GRB10: variants seen among roughly 807,000 people sequenced by gnomAD.
GRB10 encodes the protein growth factor receptor bound protein 10.
GRB10 carries 20 observed loss-of-function variants against 80.9 expected under a neutral mutation model. The ratio of observed to expected loss-of-function variants is 0.25; its 90% CI spans 0.17 to 0.36. The LOEUF is 0.36. Among genes scored for constraint, GRB10 ranks in the 10% least tolerant of loss-of-function variants. The pLI is 1.00. For synonymous variants in GRB10, 291 were observed against 291.5 expected, an observed-to-expected ratio of 1.00 and a Z score of 0.02; for missense variants, 548 against 747.7, an observed-to-expected ratio of 0.73 and a Z score of 3.12.
At chr7:50,641,128 G>C (rs1236743886) in intron 7 of GRB10, among the ~76,000 whole-genome samples, 3 of 145,664 alleles carry the variant, frequency 2.1e-5, no homozygotes, top group Admixed American at 1.4e-4. Context: ...CTCCTGGACA[G>C]AGAGTCACAT....
intron 5 of GRB10, among the ~76,000 whole-genome samples, chr7:50,699,964 T>C (rs144634895): frequency 0.013 from 1,941 of 152,066 alleles, 45 homozygotes; most frequent in African/African-American, 0.044. Flanking sequence ...TGAAACCCTG[T>C]CTCTACTAAA....
chr7:50,676,338 G>C (rs868193204), intron 5 of GRB10, among the ~76,000 whole-genome samples: 11 of 55,924 alleles, frequency 2.0e-4, no homozygotes, highest in African/African-American at 4.5e-4. Flanking sequence ...ACCCCACCGG[G>C]GGGGGGGGGG....
At chr7:50,696,075 T>C (rs986048214) in intron 5 of GRB10, among the ~76,000 whole-genome samples, 1 of 152,186 alleles carries the variant, frequency 6.6e-6, no homozygotes, top group South Asian at 2.1e-4. Flanking sequence ...CTATCATCAG[T>C]GTATGTAATG....
chr7:50,758,470 C>G (rs1404512222), intron 2 of GRB10, among the ~76,000 whole-genome samples: 1 of 152,208 alleles, frequency 6.6e-6, no homozygotes, highest in Non-Finnish European at 1.5e-5. Context: ...CTCTTGATTT[C>G]TGTTTAGTAT....
At chr7:50,710,993 G>A (rs2065808998) in intron 4 of GRB10, 1 of 1,160,290 alleles carries the variant, frequency 8.6e-7, no homozygotes, top group Non-Finnish European at 1.3e-6. Flanking sequence ...TTCAGAACCT[G>A]GAGAACGGCA....
chr7:50,646,643 C>T (rs373150844), intron 7 of GRB10, among the ~76,000 whole-genome samples: 3 of 152,044 alleles, frequency 2.0e-5, no homozygotes, highest in African/African-American at 7.3e-5. Context: ...TGCTAGATTC[C>T]GCAAATTGTC....
chr7:50,767,378 G>C (rs2076461997), intron 2 of GRB10, among the ~76,000 whole-genome samples: 1 of 152,190 alleles, frequency 6.6e-6, no homozygotes, highest in Admixed American at 6.5e-5. Flanking sequence ...CTTAACAACT[G>C]CAGGGAGTCC....
At chr7:50,701,477 G>C (rs1241394937) in intron 5 of GRB10, among the ~76,000 whole-genome samples, 1 of 152,162 alleles carries the variant, frequency 6.6e-6, no homozygotes, top group Non-Finnish European at 1.5e-5. Context: ...TGTAGTCCCA[G>C]GTACTCGGGA....
At chr7:50,627,022 C>A in intron 7 of GRB10, 44 bp from the exon 8 acceptor site, 1 of 1,597,354 alleles carries the variant, frequency 6.3e-7, no homozygotes, top group Non-Finnish European at 8.6e-7. Context: ...CAACTTCGGG[C>A]TTTCAAGAAA....
At chr7:50,657,530 G>T (rs1431338149) in intron 7 of GRB10, among the ~76,000 whole-genome samples, 4 of 152,052 alleles carry the variant, frequency 2.6e-5, no homozygotes, top group Non-Finnish European at 4.4e-5. Context: ...ATCTTTTCGG[G>T]GATTTCCTCA....
chr7:50,648,089 T>C (rs1390905290), intron 7 of GRB10, among the ~76,000 whole-genome samples: 2 of 151,586 alleles, frequency 1.3e-5, no homozygotes, highest in Non-Finnish European at 2.9e-5. Flanking sequence ...GTAATCAACA[T>C]AGGGACAAGA....
intron 5 of GRB10, among the ~76,000 whole-genome samples, chr7:50,697,288 GTTAA>G (rs934259868): frequency 1.1e-4 from 17 of 152,146 alleles, no homozygotes; most frequent in African/African-American, 3.9e-4. Context: ...GACTAAAATG[GTTAA>G]TTTTGTTTTA....
intron 6 of GRB10, among the ~76,000 whole-genome samples, chr7:50,671,640 G>T (rs1168100778): frequency 6.6e-6 from 1 of 152,220 alleles, no homozygotes; most frequent in Non-Finnish European, 1.5e-5. Context: ...GCGTCCAACT[G>T]AAACGTCTGG....
At chr7:50,688,792 G>C (rs2237489) in intron 5 of GRB10, among the ~76,000 whole-genome samples, 65,294 of 149,608 alleles carry the variant, frequency 0.44, 16,134 homozygotes, top group Non-Finnish European at 0.55. Flanking sequence ...GGTGGGTGAG[G>C]GGGGGCAGAG....
chr7:50,645,371 T>C (rs2057014608), intron 7 of GRB10, among the ~76,000 whole-genome samples: 1 of 152,144 alleles, frequency 6.6e-6, no homozygotes. Flanking sequence ...TTTTCAGTAC[T>C]AAAAACCACA....
chr7:50,691,929 GCA>G (rs1367621582), intron 5 of GRB10, among the ~76,000 whole-genome samples: 2 of 152,146 alleles, frequency 1.3e-5, no homozygotes, highest in Non-Finnish European at 2.9e-5. Context: ...CCTGGAAATA[GCA>G]CAGTTTCACC....
chr7:50,725,860 C>A (rs2068556865), intron 4 of GRB10, among the ~76,000 whole-genome samples: 1 of 152,094 alleles, frequency 6.6e-6, no homozygotes. Flanking sequence ...AACTCTAGCA[C>A]CCCCAATCAA....
At chr7:50,648,666 C>G (rs1422167188) in intron 7 of GRB10, among the ~76,000 whole-genome samples, 1 of 152,152 alleles carries the variant, frequency 6.6e-6, no homozygotes, top group African/African-American at 2.4e-5. Context: ...CCTCCTACAG[C>G]TACTCCCTCT....
At chr7:50,787,294 G>GGAA (rs957236778), upstream of GRB10, among the ~76,000 whole-genome samples, 19 of 151,762 alleles carry the variant, frequency 1.3e-4, no homozygotes, top group Non-Finnish European at 2.7e-4. Flanking sequence ...AGGAGGAGGA[G>GGAA]GTTGCCAGGA....
Sources: gnomAD v4.1 joint callset for allele counts (sites outside exome capture counted in the v4.1 genomes callset) on GRCh38, gnomAD v4.1.1 for gene constraint, MANE v1.5 for transcripts, NCBI Gene and HGNC (gene_info 2026-07-23, HGNC 2026-07-21) for gene names.